The following GUCY1A1 variants were observed in gnomAD, a reference collection of about 807,000 sequenced individuals.
The protein encoded by GUCY1A1 is guanylate cyclase soluble subunit alpha-1.
A neutral mutation model predicts 64.5 loss-of-function variants in GUCY1A1; 48 were observed. The observed-to-expected ratio is 0.74, with a 90% CI of 0.59 to 0.95. The LOEUF (loss-of-function observed/expected upper bound fraction) is 0.95. Among genes scored for constraint, GUCY1A1 ranks in the 40% least tolerant of loss-of-function variants. The probability of loss-of-function intolerance (pLI) is 0.00; values close to 1 mark genes in which losing one functional copy is unlikely to be tolerated. For synonymous variants in GUCY1A1, 308 were observed against 303.4 expected, an observed-to-expected ratio of 1.02 and a Z score of -0.16; for missense variants, 804 against 825.3, an observed-to-expected ratio of 0.97 and a Z score of 0.32.
chr4:155,682,023 T>A (rs939490085), intron 2 of GUCY1A1, among the ~76,000 whole-genome samples: 45 of 152,188 alleles, frequency 3.0e-4, no homozygotes, highest in African/African-American at 8.9e-4. Context: ...TACACAAAAC[T>A]TCAGAGTCAT....
intron 9 of GUCY1A1, among the ~76,000 whole-genome samples, chr4:155,728,324 T>C (rs904005361): frequency 6.6e-6 from 1 of 151,836 alleles, no homozygotes; most frequent in African/African-American, 2.4e-5. Context: ...TATGGATGGC[T>C]TAACTGTCTT....
Position 155,730,416 on chromosome 4 carries a change from CA to C in GUCY1A1, c.*187del. 1 of 331,850 alleles carries C rather than the reference CA, an allele frequency of 3.0e-6. No homozygotes were observed. Among genetic ancestry groups the C allele is most frequent in the Non-Finnish European group, 5.1e-6 (1 of 194,438 alleles). 20.6% of individuals were successfully genotyped at this position (331,850 alleles called of 1,614,324 possible). On this transcript the variant is annotated 3_prime_UTR_variant, in exon 10 of 10. Transcript: ENST00000506455. Reference sequence around the variant, plus strand: ...TACTCACTTCAGTACTTCAGCTCTTCAAGAAAAAAAAAAAAAACCTTAAAAA... The same window carrying C: ...TACTCACTTCAGTACTTCAGCTCTTCAGAAAAAAAAAAAAAACCTTAAAAA...
chr4:155,707,605 A>T (rs1412211948), intron 4 of GUCY1A1, among the ~76,000 whole-genome samples: 1 of 94,720 alleles, frequency 1.1e-5, no homozygotes, highest in Non-Finnish European at 2.5e-5. Context: ...ATATAAAGGT[A>T]AAAAAAAAAA....
rs1278194220 is a variant in GUCY1A1 at position 155,731,190 on chromosome 4, G to T, written c.*959G>T. 1 of 151,888 alleles carries T rather than the reference G, an allele frequency of 6.6e-6. No individual in the cohort carries two copies. Among genetic ancestry groups the T allele is most frequent in the Non-Finnish European group, 1.5e-5 (1 of 67,844 alleles). The allele number at this position is 151,888 out of a possible 1,614,324, so 9.4% of individuals were successfully genotyped here. ...GTGCAGGCACACTTGGAACAATATGGACCCACTTCAGCAGACATCTTCTAT... is the reference window on the plus strand; with the variant it reads ...GTGCAGGCACACTTGGAACAATATGTACCCACTTCAGCAGACATCTTCTAT... On this transcript the variant is annotated 3_prime_UTR_variant, in exon 10 of 10. Coordinates refer to ENST00000506455, the MANE Select transcript of GUCY1A1 (RefSeq NM_001130682.3).
chr4:155,713,894 G>GGA (rs1379344150), intron 7 of GUCY1A1, among the ~76,000 whole-genome samples: 10 of 152,290 alleles, frequency 6.6e-5, no homozygotes, highest in African/African-American at 2.2e-4. Flanking sequence ...CCTGTGAATA[G>GGA]GAGAAGTTTA....
In GUCY1A1 at chr4:155,674,284, G is replaced by C. The variant is rs1734572881; in HGVS notation, c.-113+6865G>C. On this transcript the variant is annotated intron_variant, in intron 2 of 9. Coordinates refer to ENST00000506455, the MANE Select transcript of GUCY1A1 (RefSeq NM_001130682.3). The stretch of plus-strand genomic sequence containing the variant: ...GCAGAGAATTGCTTGAACCCAGGAG[G>C]TGGAGTTTGCAGTGAGCCAAGATTG... Among the ~76,000 whole-genome samples the C allele has an allele frequency of 1.3e-5, 2 of 151,102 alleles. 1 individual carries two copies. Among genetic ancestry groups the C allele is most frequent in the African/African-American group, 4.9e-5 (2 of 40,484 alleles).
intron 2 of GUCY1A1, among the ~76,000 whole-genome samples, chr4:155,684,648 T>C (rs573630029): frequency 7.2e-5 from 11 of 152,248 alleles, no homozygotes; most frequent in Admixed American, 2.0e-4. Context: ...TCTGGGGTCA[T>C]AAAAGAAAAT....
chr4:155,683,923 A>G (rs1456657581), intron 2 of GUCY1A1, among the ~76,000 whole-genome samples: 1 of 152,086 alleles, frequency 6.6e-6, no homozygotes, highest in African/African-American at 2.4e-5. Flanking sequence ...TCAGTAGAGG[A>G]GGTCATCAGG....
intron 1 of GUCY1A1, 149 bp downstream of exon 1, chr4:155,667,114 A>T (rs1385559502): frequency 2.6e-5 from 4 of 152,272 alleles, no homozygotes; most frequent in Admixed American, 2.0e-4. Context: ...AGACACAGAG[A>T]GACAAAGGCA....
At chr4:155,729,775 A>T (rs1364049463) in intron 9 of GUCY1A1, among the ~76,000 whole-genome samples, 2 of 151,798 alleles carry the variant, frequency 1.3e-5, no homozygotes, top group Non-Finnish European at 2.9e-5. Context: ...TTGTGTGGAT[A>T]TTATTTTTGC....
intron 4 of GUCY1A1, among the ~76,000 whole-genome samples, chr4:155,705,927 C>G (rs548173342): frequency 8.5e-5 from 13 of 152,158 alleles, no homozygotes; most frequent in Non-Finnish European, 1.3e-4. Context: ...ACCTTAATAA[C>G]CAGTCAAGCT....
intron 2 of GUCY1A1, among the ~76,000 whole-genome samples, chr4:155,692,188 T>C (rs140494810): frequency 6.6e-6 from 1 of 152,296 alleles, no homozygotes; most frequent in African/African-American, 2.4e-5. Flanking sequence ...CTTTATCCAG[T>C]TTATCATTGA....
intron 2 of GUCY1A1, chr4:155,667,750 T>C (rs1262481874): frequency 6.6e-6 from 1 of 151,340 alleles, no homozygotes; most frequent in Non-Finnish European, 1.5e-5. Context: ...CCGGGGCCGC[T>C]GGTCTCCCAC....
At chr4:155,688,792 A>G (rs1425968093) in intron 2 of GUCY1A1, among the ~76,000 whole-genome samples, 2 of 151,664 alleles carry the variant, frequency 1.3e-5, no homozygotes, top group Non-Finnish European at 2.9e-5. Context: ...CAAAAAAGAA[A>G]AAAAACAAAA....
chr4:155,728,968 T>C (rs1290748345), intron 9 of GUCY1A1, among the ~76,000 whole-genome samples: 1 of 151,896 alleles, frequency 6.6e-6, no homozygotes, highest in East Asian at 1.9e-4. Flanking sequence ...AGGCATCATT[T>C]TCATTAGTTT....
intron 9 of GUCY1A1, among the ~76,000 whole-genome samples, chr4:155,726,186 A>G (rs1734646144): frequency 6.6e-6 from 1 of 151,856 alleles, no homozygotes; most frequent in Non-Finnish European, 1.5e-5. Context: ...CTTTCTTTTT[A>G]TTCTCGTATA....
chr4:155,670,809 C>A (rs914289318), intron 2 of GUCY1A1, among the ~76,000 whole-genome samples: 9 of 152,172 alleles, frequency 5.9e-5, no homozygotes, highest in African/African-American at 1.9e-4. Context: ...AATTAATTAA[C>A]TCACATACCA....
At chr4:155,672,452 G>C (rs1044477677) in intron 2 of GUCY1A1, among the ~76,000 whole-genome samples, 9 of 152,138 alleles carry the variant, frequency 5.9e-5, no homozygotes, top group Admixed American at 2.0e-4. Context: ...TCTCTTTGAA[G>C]TTGACATTCC....
intron 2 of GUCY1A1, among the ~76,000 whole-genome samples, chr4:155,686,110 A>G (rs1345549857): frequency 6.6e-6 from 1 of 152,192 alleles, no homozygotes; most frequent in Non-Finnish European, 1.5e-5. Flanking sequence ...GAACATGCCA[A>G]TTAGTGTCTC....
Sources: gnomAD v4.1 joint callset for allele counts (sites outside exome capture counted in the v4.1 genomes callset) on GRCh38, gnomAD v4.1.1 for gene constraint, MANE v1.5 for transcripts, NCBI Gene and HGNC (gene_info 2026-07-23, HGNC 2026-07-21) for gene names.